ADNP2: variants seen among roughly 807,000 people sequenced by gnomAD.
ADNP2 encodes the protein ADNP homeobox 2, also known as activity-dependent neuroprotector homeobox protein 2.
In ADNP2, 8 loss-of-function variants were observed where a neutral mutation model predicts 16.4. The ratio of observed to expected loss-of-function variants is 0.49; its 90% confidence interval spans 0.29 to 0.88. The LOEUF is 0.88. Among genes scored for constraint, ADNP2 ranks in the 40% least tolerant of loss-of-function variants. The probability of loss-of-function intolerance (pLI) is 0.09; values close to 1 mark genes in which losing one functional copy is unlikely to be tolerated. For missense variants in ADNP2, 1,397 were observed against 1,395.1 expected (o/e 1.00, Z -0.02); for synonymous variants, 637 against 545.8 (o/e 1.17, Z -2.33).
rs748364952 is a variant in ADNP2 at position 80,138,338 on chromosome 18, T to C, written c.2925T>C (p.Ser975=). Reference sequence around the variant, plus strand: ...AAGTGATGCATGATTCCAGTTTTTCTGTTAAGAGAAAGCTGCCTGACGGCC... The same window carrying C: ...AAGTGATGCATGATTCCAGTTTTTCCGTTAAGAGAAAGCTGCCTGACGGCC... ...SGEVMHDSSF[S]VKRKLPDGHL... The change falls in exon 4 of 4, where the codon TCT becomes TCC. Residue 975 remains serine, a synonymous_variant. Coordinates refer to ENST00000262198, the MANE Select transcript of ADNP2 (RefSeq NM_014913.4). 6.2e-7 allele frequency: 1 copy of C among 1,614,140 alleles called. No individual in the cohort carries two copies.
At position 80,123,088 on chromosome 18, in the gene ADNP2, C is replaced by T. The variant is rs192559283; in HGVS notation, c.108+5438C>T. On this transcript the variant is annotated intron_variant, in intron 2 of 3. Coordinates refer to ENST00000262198, the MANE Select transcript of ADNP2 (RefSeq NM_014913.4). Reference sequence around the variant, plus strand: ...TGATAACCATGTGATTTTTTTCCCCCGTGCTTCATTCTACTAATGTGGTGA... The same window carrying T: ...TGATAACCATGTGATTTTTTTCCCCTGTGCTTCATTCTACTAATGTGGTGA... Among the ~76,000 whole-genome samples the T allele has an allele frequency of 6.4e-3, 972 of 152,086 alleles. 4 individuals carry two copies. Among genetic ancestry groups the T allele is most frequent in the Non-Finnish European group, 0.01 (704 of 67,972 alleles).
In ADNP2 at chr18:80,138,159, A is replaced by G; in HGVS notation, c.2746A>G (p.Ile916Val). 1 of 1,614,150 alleles carries G rather than the reference A, an allele frequency of 6.2e-7. No individual in the cohort carries two copies. The highest frequency in any genetic ancestry group is 1.1e-5 in the South Asian group (1 of 91,084). Residue 916 changes from isoleucine (I) to valine (V), a missense_variant, in exon 4 of 4, where the codon ATC (isoleucine) becomes GTC (valine). Transcript: ENST00000262198. The part of the protein sequence containing the change: ...TVLKSPAFKC[I>V]HCCGVYTGNM... ...CCTGAAGTCTCCCGCCTTCAAGTGC[A>G]TCCACTGCTGTGGGGTCTACACGGG... is the stretch of plus-strand genomic sequence containing the variant.
At chr18:80,116,744 C>T (rs1294679068) in intron 1 of ADNP2, among the ~76,000 whole-genome samples, 1 of 152,054 alleles carries the variant, frequency 6.6e-6, no homozygotes, top group East Asian at 1.9e-4. Flanking sequence ...CGGGTGATCC[C>T]CTCACCTCAG....
intron 2 of ADNP2, among the ~76,000 whole-genome samples, chr18:80,128,519 A>G (rs954622481): frequency 1.3e-5 from 2 of 152,100 alleles, no homozygotes; most frequent in African/African-American, 4.8e-5. Flanking sequence ...ACGTGGTGGC[A>G]TGTGCCTGTA....
chr18:80,129,534 C>T (rs946184738), intron 2 of ADNP2, among the ~76,000 whole-genome samples: 2 of 152,184 alleles, frequency 1.3e-5, no homozygotes, highest in African/African-American at 4.8e-5. Context: ...AGAGATGCCC[C>T]TCCTTCCAGA....
At chr18:80,112,139 A>G (rs749513972) in intron 1 of ADNP2, among the ~76,000 whole-genome samples, 7 of 152,186 alleles carry the variant, frequency 4.6e-5, no homozygotes, top group Non-Finnish European at 8.8e-5. Context: ...CTAAGATTCT[A>G]TGGAGAACAG....
In ADNP2 at chr18:80,135,915, T is replaced by A; in HGVS notation, c.502T>A (p.Tyr168Asn). The A allele has an allele frequency of 6.2e-7, 1 of 1,614,250 alleles. No individual in the cohort carries two copies. The change falls in exon 4 of 4, where the codon TAC (tyrosine) becomes AAC (asparagine). Residue 168 changes from tyrosine (Y) to asparagine (N), a missense_variant. Tyr to Asn is a moderately radical substitution (Grantham distance 143). Around this residue, in one of 3 missense-constraint regions of ADNP2, gnomAD observed 777 missense variants for 719.4 expected, o/e 1.08. Transcript: ENST00000262198. ...LKCNFSNTLY[Y>N]SMKKHVLVAH... ...ATGTAACTTTTCAAACACTTTGTACTACAGCATGAAGAAGCATGTGCTGGT... is the reference window on the plus strand; with the variant it reads ...ATGTAACTTTTCAAACACTTTGTACAACAGCATGAAGAAGCATGTGCTGGT...
Position 80,135,899 on chromosome 18 carries a change from T to C in ADNP2, c.486T>C (p.Phe162=), listed in dbSNP as rs1297802334. The C allele has an allele frequency of 1.2e-6, 2 of 1,614,246 alleles. No individual in the cohort carries two copies. Among genetic ancestry groups the C allele is most frequent in the East Asian group, 2.2e-5 (1 of 44,890 alleles). Residue 162 remains phenylalanine (F), a synonymous_variant, in exon 4 of 4, where the codon TTT becomes TTC. Transcript: ENST00000262198. ...GTTTCACATGTCTAAAATGTAACTT[T>C]TCAAACACTTTGTACTACAGCATGA... ...VISFTCLKCN[F]SNTLYYSMKK...
At chr18:80,123,978 C>A (rs1303714156) in intron 2 of ADNP2, among the ~76,000 whole-genome samples, 1 of 152,178 alleles carries the variant, frequency 6.6e-6, no homozygotes, top group Non-Finnish European at 1.5e-5. Flanking sequence ...GATTTACCCA[C>A]CTCGGTGTCC....
chr18:80,115,043 A>G (rs999692623), intron 1 of ADNP2, among the ~76,000 whole-genome samples: 6 of 152,344 alleles, frequency 3.9e-5, no homozygotes, highest in Non-Finnish European at 7.3e-5. Flanking sequence ...AGGCAGCCAC[A>G]AAGTTCTGCC....
Position 80,136,480 on chromosome 18 carries a change from T to G in ADNP2, c.1067T>G (p.Phe356Cys). The change falls in exon 4 of 4, where the codon TTT becomes TGT. Residue 356 changes from phenylalanine (F) to cysteine (C), a missense_variant. Phe to Cys is a radical substitution (Grantham distance 205). This residue lies in a region of ADNP2 where 777 missense variants were observed against 719.4 expected (regional missense o/e 1.08). Coordinates refer to ENST00000262198, the MANE Select transcript of ADNP2 (RefSeq NM_014913.4). ...TLQPPAPQPVFLSHGVPLHQS... is the reference protein window; with the variant it reads ...TLQPPAPQPVCLSHGVPLHQS... ...CAGCCCCCAGCACCTCAGCCCGTCT[T>G]TCTTTCTCACGGGGTTCCACTTCAT... 4 of 1,614,066 alleles carry G rather than the reference T, an allele frequency of 2.5e-6. No individual in the cohort carries two copies. In the African/African-American group the frequency reaches 4.0e-5, roughly 16 times the overall value.
chr18:80,134,230 C>T (rs928401894), intron 3 of ADNP2, among the ~76,000 whole-genome samples: 13 of 151,988 alleles, frequency 8.6e-5, no homozygotes, highest in Non-Finnish European at 1.5e-4. Flanking sequence ...TAAAATATCT[C>T]GTAATGTAAC....
At chr18:80,126,478 A>G (rs1166458801) in intron 2 of ADNP2, among the ~76,000 whole-genome samples, 1 of 151,966 alleles carries the variant, frequency 6.6e-6, no homozygotes, top group Non-Finnish European at 1.5e-5. Context: ...AACTCACTAT[A>G]CTTTCTCTCT....
chr18:80,117,528 A>G lies in ADNP2; in HGVS notation c.-13-2A>G, dbSNP rs754901156. 6.4e-6 allele frequency: 10 copies of G among 1,572,960 alleles called. No individual in the cohort carries two copies. The highest frequency in any genetic ancestry group is 8.6e-6 in the Non-Finnish European group (10 of 1,161,472). On this transcript the variant is annotated splice_acceptor_variant, in intron 1 of 3. Coordinates refer to ENST00000262198, the MANE Select transcript of ADNP2 (RefSeq NM_014913.4). LOFTEE classifies it low-confidence loss of function (5UTR_SPLICE). ...TACAGTTTTGTTTTCTTTCCTTTTA[A>G]GGAAAATTTCAAAAATGTTTCAAAT...
In ADNP2 at chr18:80,136,637, A is replaced by G. The variant is rs779332546; in HGVS notation, c.1224A>G (p.Gly408=). The part of the protein sequence containing the change: ...PGVLPLTQPV[G]PINRPVGPGV... The stretch of plus-strand genomic sequence containing the variant: ...TTTTACCCCTCACCCAGCCTGTGGG[A>G]CCCATAAACAGACCTGTTGGGCCTG... The change falls in exon 4 of 4, where the codon GGA becomes GGG. Residue 408 remains glycine (G), a synonymous_variant. Transcript: ENST00000262198. The G allele has an allele frequency of 3.1e-6, 5 of 1,614,002 alleles. No homozygotes were observed. The highest frequency in any genetic ancestry group is 3.3e-5 in the Admixed American group (2 of 60,024).
At chr18:80,129,105 G>GTTTTTT (rs753934297) in intron 2 of ADNP2, among the ~76,000 whole-genome samples, 1 of 81,438 alleles carries the variant, frequency 1.2e-5, no homozygotes, top group African/African-American at 3.8e-5. Context: ...CTTTTTTTTT[G>GTTTTTT]TTTTTTTTTT....
chr18:80,114,482 C>G (rs1385476579), intron 1 of ADNP2, among the ~76,000 whole-genome samples: 1 of 152,088 alleles, frequency 6.6e-6, no homozygotes, highest in Admixed American at 6.5e-5. Context: ...AAGTATAGTA[C>G]AAATAACTTT....
At chr18:80,122,015 C>T (rs1034544789) in intron 2 of ADNP2, among the ~76,000 whole-genome samples, 1 of 151,900 alleles carries the variant, frequency 6.6e-6, no homozygotes, top group Non-Finnish European at 1.5e-5. Flanking sequence ...CTCCTGGGTT[C>T]AAGAAGTGAT....
chr18:80,114,058 T>C (rs571767615), intron 1 of ADNP2, among the ~76,000 whole-genome samples: 2 of 151,878 alleles, frequency 1.3e-5, no homozygotes, highest in South Asian at 2.1e-4. Context: ...CCAGGTGTGG[T>C]GGCATACATC....
Sources: gnomAD v4.1 joint callset for allele counts (sites outside exome capture counted in the v4.1 genomes callset) on GRCh38, gnomAD v4.1.1 for gene constraint, gnomAD v4.1.1 regional missense constraint, MANE v1.5 for transcripts, NCBI Gene and HGNC (gene_info 2026-07-23, HGNC 2026-07-21) for gene names.